Variants in HMGCLL1 observed in about 807,000 individuals in gnomAD.
The protein encoded by HMGCLL1 is 3-hydroxymethyl-3-methylglutaryl-CoA lyase, cytoplasmic.
A neutral mutation model predicts 39.1 loss-of-function variants in HMGCLL1; 36 were observed. The ratio of observed to expected loss-of-function variants is 0.92; its 90% CI spans 0.71 to 1.22. The LOEUF is 1.22. Ranked by LOEUF, HMGCLL1 falls within the 50% of genes most tolerant of loss-of-function variation. The pLI is 0.00. For missense variants in HMGCLL1, 451 were observed against 416.5 expected (o/e 1.08, Z -0.72); for synonymous variants, 149 against 144.0 (o/e 1.03, Z -0.25).
intron 8 of HMGCLL1, among the ~76,000 whole-genome samples, chr6:55,438,152 A>G (rs539948447): frequency 4.6e-5 from 7 of 152,062 alleles, no homozygotes; most frequent in African/African-American, 7.2e-5. Context: ...CTAAGAAAGG[A>G]GCTATTTACC....
At chr6:55,622,712 G>A in the HMGCLL1 span, among the ~76,000 whole-genome samples, 1 of 152,010 alleles carries the variant, frequency 6.6e-6, no homozygotes, top group Non-Finnish European at 1.5e-5. Flanking sequence ...AAATTGAACT[G>A]TAATTTTCTT....
the HMGCLL1 span, among the ~76,000 whole-genome samples, chr6:55,652,785 T>G: frequency 6.6e-6 from 1 of 152,114 alleles, no homozygotes; most frequent in East Asian, 1.9e-4. Flanking sequence ...GCCTTTGTCT[T>G]TCTTTCTAGA....
the HMGCLL1 span, among the ~76,000 whole-genome samples, chr6:55,644,104 G>A: frequency 4.6e-5 from 7 of 152,034 alleles, no homozygotes; most frequent in Non-Finnish European, 1.0e-4. Flanking sequence ...CATTTTAAGT[G>A]GGGTGAGATG....
the HMGCLL1 span, among the ~76,000 whole-genome samples, chr6:55,634,017 C>G: frequency 6.6e-6 from 1 of 151,484 alleles, no homozygotes; most frequent in Non-Finnish European, 1.5e-5. Context: ...ACTTTCAATC[C>G]TTCTATTTTT....
chr6:55,449,569 T>C (rs1763993926), intron 7 of HMGCLL1, among the ~76,000 whole-genome samples: 1 of 152,218 alleles, frequency 6.6e-6, no homozygotes, highest in Non-Finnish European at 1.5e-5. Context: ...GGAACGGATA[T>C]ACCAATTGAT....
chr6:55,596,527 T>C, the HMGCLL1 span, among the ~76,000 whole-genome samples: 1 of 149,820 alleles, frequency 6.7e-6, no homozygotes, highest in African/African-American at 2.5e-5. Context: ...GATTTAATTA[T>C]GAGGTTTCAT....
chr6:55,592,654 C>T, the HMGCLL1 span, among the ~76,000 whole-genome samples: 1 of 151,942 alleles, frequency 6.6e-6, no homozygotes, highest in African/African-American at 2.4e-5. Context: ...CCAGATATCC[C>T]CCTGGAAGGC....
the HMGCLL1 span, among the ~76,000 whole-genome samples, chr6:55,610,369 C>G: frequency 6.6e-6 from 1 of 151,634 alleles, no homozygotes; most frequent in Non-Finnish European, 1.5e-5. Context: ...ATACACAGCA[C>G]GAGAATTTCA....
At chr6:55,628,724 A>G in the HMGCLL1 span, among the ~76,000 whole-genome samples, 5 of 152,070 alleles carry the variant, frequency 3.3e-5, no homozygotes, top group Non-Finnish European at 7.4e-5. Flanking sequence ...AGTGGGAGGT[A>G]ATTGAATCAC....
chr6:55,658,769 G>A, the HMGCLL1 span, among the ~76,000 whole-genome samples: 6,714 of 151,872 alleles, frequency 0.044, 184 homozygotes, highest in Non-Finnish European at 0.055. Flanking sequence ...CTGTATTTTC[G>A]TAGAGTTGAA....
In HMGCLL1 at chr6:55,435,152, T is replaced by G. The variant is rs1033225003; in HGVS notation, c.*510A>C. 4.6e-5 allele frequency: 7 copies of G among 152,562 alleles called. No individual in the cohort carries two copies. Among genetic ancestry groups the G allele is most frequent in the Admixed American group, 3.3e-4 (5 of 15,240 alleles). 9.5% of individuals were successfully genotyped at this position (152,562 alleles called of 1,614,324 possible). On this transcript the variant is annotated 3_prime_UTR_variant, in exon 9 of 9. Transcript: ENST00000274901. ...AAATATAAAAGTTCTATTGCTAAAA[T>G]TATGTAGGGTCAGATGGAGATTTGG... is the stretch of plus-strand genomic sequence containing the variant.
At chr6:55,519,378 G>A (rs1433044223) in intron 3 of HMGCLL1, among the ~76,000 whole-genome samples, 2 of 152,038 alleles carry the variant, frequency 1.3e-5, no homozygotes, top group Non-Finnish European at 2.9e-5. Context: ...ACACAGAGGA[G>A]CACTTTACTC....
the HMGCLL1 span, among the ~76,000 whole-genome samples, chr6:55,610,835 T>C: frequency 6.6e-6 from 1 of 152,100 alleles, no homozygotes; most frequent in East Asian, 1.9e-4. Flanking sequence ...ACAGTGGATC[T>C]CTCAGCAGAA....
chr6:55,464,625 C>T (rs1449307846), intron 7 of HMGCLL1, among the ~76,000 whole-genome samples: 1 of 152,086 alleles, frequency 6.6e-6, no homozygotes, highest in African/African-American at 2.4e-5. Flanking sequence ...TACAGAGGCT[C>T]CCAAAATTTC....
chr6:55,585,565 G>A, the HMGCLL1 span, among the ~76,000 whole-genome samples: 1 of 152,010 alleles, frequency 6.6e-6, no homozygotes, highest in Non-Finnish European at 1.5e-5. Context: ...CTTTGAAACT[G>A]TATCAAGTAC....
chr6:55,481,073 A>G (rs1328102703), intron 7 of HMGCLL1, among the ~76,000 whole-genome samples: 1 of 152,100 alleles, frequency 6.6e-6, no homozygotes, highest in Non-Finnish European at 1.5e-5. Context: ...ATAACAAATG[A>G]CTACAGCCAA....
At position 55,436,348 on chromosome 6, in the gene HMGCLL1, C is replaced by A. The variant is rs530446544; in HGVS notation, c.922-585G>T. Among the ~76,000 whole-genome samples, 322 of 152,038 alleles carry A rather than the reference C, an allele frequency of 2.1e-3. 1 individual carries two copies. The highest frequency in any genetic ancestry group is 3.3e-3 in the Non-Finnish European group (221 of 67,936). On this transcript the variant is annotated intron_variant, in intron 8 of 8. Transcript: ENST00000274901. ...ATTTAGTACACATCTGGAACTTGTT[C>A]GCCTGAGAGGTTGTACTGTCTGAAA...
intron 5 of HMGCLL1, among the ~76,000 whole-genome samples, chr6:55,508,281 G>C (rs904205182): frequency 6.6e-6 from 1 of 151,648 alleles, no homozygotes; most frequent in African/African-American, 2.4e-5. Context: ...CAGAGAATCT[G>C]GTTAGATATT....
At chr6:55,479,141 G>C (rs1765601298) in intron 7 of HMGCLL1, among the ~76,000 whole-genome samples, 1 of 151,414 alleles carries the variant, frequency 6.6e-6, no homozygotes, top group Admixed American at 6.6e-5. Flanking sequence ...ATGAGTTTAT[G>C]GAGCTAGGGA....
Sources: allele counts gnomAD v4.1 joint callset (sites outside exome capture counted in the v4.1 genomes callset), GRCh38; gene constraint gnomAD v4.1.1; transcripts MANE v1.5; gene names NCBI Gene and HGNC (gene_info 2026-07-23, HGNC 2026-07-21).